Variants in AMMECR1L observed in about 807,000 individuals in gnomAD.
AMMECR1L encodes the protein AMMECR1 like, also known as AMMECR1-like protein.
AMMECR1L carries 4 observed loss-of-function variants against 36.8 expected under a neutral mutation model. The observed-to-expected ratio is 0.11, with a 90% CI of 0.05 to 0.25. AMMECR1L has a LOEUF of 0.25. AMMECR1L is among the 10% of genes least tolerant of loss of function. The probability of loss-of-function intolerance (pLI) is 1.00; values close to 1 mark genes in which losing one functional copy is unlikely to be tolerated. For synonymous variants in AMMECR1L, 147 were observed against 148.0 expected (o/e 0.99, Z 0.05); for missense variants, 232 against 392.1 (o/e 0.59, Z 3.45).
chr2:127,885,228 G>A (rs1192770902), intron 1 of AMMECR1L: 3 of 985,106 alleles, frequency 3.0e-6, no homozygotes, highest in African/African-American at 3.5e-5. Flanking sequence ...TGTGAAGAGT[G>A]TTAAGAAAAC....
At chr2:127,872,078 A>G (rs965803049) in intron 3 of AMMECR1L, among the ~76,000 whole-genome samples, 7 of 151,258 alleles carry the variant, frequency 4.6e-5, no homozygotes, top group Non-Finnish European at 2.9e-5. Flanking sequence ...AATCTCAGCT[A>G]CTCGGGAGGC....
In AMMECR1L at chr2:127,869,482, T is replaced by C. The variant is rs2104750153; in HGVS notation, c.696A>G (p.Thr232=). The C allele has an allele frequency of 2.5e-6, 4 of 1,614,056 alleles. No homozygotes were observed. Among genetic ancestry groups the C allele is most frequent in the African/African-American group, 2.7e-5 (2 of 75,062 alleles). ...INEKGVKRTA[T]YLPEVAKEQD... ...GTTCCTTAGCAACCTCAGGTAAATA[T>C]GTGGCTGTGCGTTTGACACCTTTTT... is the stretch of plus-strand genomic sequence containing the variant. Residue 232 remains threonine (T), a synonymous_variant, in exon 6 of 8, where the codon ACA becomes ACG. Coordinates refer to ENST00000272647, the MANE Select transcript of AMMECR1L (RefSeq NM_001199140.2). The surrounding 1 kb of genome is among the most constrained non-coding windows in gnomAD (Gnocchi z 4.7).
At position 127,868,618 on chromosome 2, in the gene AMMECR1L, A is replaced by T. The variant is rs529441295; in HGVS notation, c.724+836T>A. ...AGGAAAACTGCACTACGTATCACAG[A>T]ATGCACAAGCAACATGTAAAGGTAC... On this transcript the variant is annotated intron_variant, in intron 6 of 7. Coordinates refer to ENST00000272647, the MANE Select transcript of AMMECR1L (RefSeq NM_001199140.2). Among the ~76,000 whole-genome samples the T allele has an allele frequency of 1.4e-4, 22 of 152,344 alleles. No individual in the cohort carries two copies. The East Asian group carries it at 4.0e-3, about 28-fold the overall frequency.
intron 6 of AMMECR1L, among the ~76,000 whole-genome samples, chr2:127,867,511 C>T (rs1020392322): frequency 2.6e-5 from 4 of 152,144 alleles, no homozygotes; most frequent in African/African-American, 9.7e-5. Flanking sequence ...CTTTGGGAGG[C>T]TGAGGCAGGA....
chr2:127,870,676 A>G lies in AMMECR1L; in HGVS notation c.633+138T>C, dbSNP rs547036541. On this transcript the variant is annotated intron_variant, in intron 5 of 7. Coordinates refer to ENST00000272647, the MANE Select transcript of AMMECR1L (RefSeq NM_001199140.2). ...TATAGCAGCACCTCTTCTGTCACCTATGTTGCCCACAATTGGTTCCAAACT... is the reference window on the plus strand; with the variant it reads ...TATAGCAGCACCTCTTCTGTCACCTGTGTTGCCCACAATTGGTTCCAAACT... 2.8e-4 allele frequency: 172 copies of G among 613,278 alleles called. 1 individual carries two copies. The highest frequency in any genetic ancestry group is 2.8e-3 in the African/African-American group (147 of 53,366). The allele number at this position is 613,278 out of a possible 1,614,324, so 38.0% of individuals were successfully genotyped here. A position where few individuals can be genotyped will look rare whatever the true frequency, so the allele number is the denominator to read the frequency against.
Position 127,873,168 on chromosome 2 carries a change from C to T in AMMECR1L, c.407+660G>A, listed in dbSNP as rs952652247. On this transcript the variant is annotated intron_variant, in intron 3 of 7. Transcript: ENST00000272647. This position sits in a 1 kb window ranked among gnomAD's most constrained non-coding sequence, Gnocchi z 5.2. ...AAACAGCAATGCTCTTCAAAGCCAG[C>T]TCAGAGCGGCTTCCAATTCTGAGGA... The T allele has an allele frequency of 1.2e-4, 115 of 985,364 alleles. No individual in the cohort carries two copies. Among genetic ancestry groups the T allele is most frequent in the Non-Finnish European group, 1.3e-4 (107 of 829,954 alleles). The allele number at this position is 985,364 out of a possible 1,614,324, so 61.0% of individuals were successfully genotyped here. A position where few individuals can be genotyped will look rare whatever the true frequency, so the allele number is the denominator to read the frequency against.
chr2:127,867,254 G>C (rs926797644), intron 6 of AMMECR1L: 3 of 985,350 alleles, frequency 3.0e-6, no homozygotes, highest in African/African-American at 3.5e-5. Context: ...CGTCCTTCCT[G>C]TCAGATGTTA....
Position 127,871,047 on chromosome 2 carries a change from A to T in AMMECR1L, c.519-119T>A. The T allele has an allele frequency of 5.4e-6, 5 of 927,666 alleles. No homozygotes were observed. The South Asian group carries it at 8.5e-5, about 16-fold the overall frequency. 57.5% of individuals were successfully genotyped at this position (927,666 alleles called of 1,614,324 possible). On this transcript the variant is annotated intron_variant, in intron 4 of 7. Transcript: ENST00000272647. This position sits in a 1 kb window ranked among gnomAD's most constrained non-coding sequence, Gnocchi z 4.3. ...ATGCAGAGAGTATCTATTGTTCATC[A>T]ACACTAACATGTTAAAAACAACTCG...
rs371859730 is a variant in AMMECR1L at position 127,865,253 on chromosome 2, T to C, written c.822-48A>G. 8 of 1,374,598 alleles carry C rather than the reference T, an allele frequency of 5.8e-6. No homozygotes were observed. The East Asian group carries it at 1.9e-4, about 33-fold the overall frequency. 85.2% of individuals were successfully genotyped at this position (1,374,598 alleles called of 1,614,324 possible). Reference sequence around the variant, plus strand: ...GTATTAGGAACCCCAAACGCTTCATTTTGTAAAGTCACTCAGCAGAGAAAA... The same window carrying C: ...GTATTAGGAACCCCAAACGCTTCATCTTGTAAAGTCACTCAGCAGAGAAAA... On this transcript the variant is annotated intron_variant, in intron 7 of 7. Coordinates refer to ENST00000272647, the MANE Select transcript of AMMECR1L (RefSeq NM_001199140.2). The surrounding 1 kb of genome is among the most constrained non-coding windows in gnomAD (Gnocchi z 5.4).
Position 127,874,324 on chromosome 2 carries a change from A to C in AMMECR1L, c.-38-52T>G. The C allele has an allele frequency of 6.7e-7, 1 of 1,492,612 alleles. No homozygotes were observed. The highest frequency in any genetic ancestry group is 9.0e-7 in the Non-Finnish European group (1 of 1,111,614). 92.5% of individuals were successfully genotyped at this position (1,492,612 alleles called of 1,614,324 possible). A position where few individuals can be genotyped will look rare whatever the true frequency, so the allele number is the denominator to read the frequency against. On this transcript the variant is annotated intron_variant, in intron 2 of 7. Coordinates refer to ENST00000272647, the MANE Select transcript of AMMECR1L (RefSeq NM_001199140.2). This position sits in a 1 kb window ranked among gnomAD's most constrained non-coding sequence, Gnocchi z 5.2. ...AATTTGACTGGTTAGTTAAAAGGAGAGGAAAAAACATCAAAGATAGAGAGT... is the reference window on the plus strand; with the variant it reads ...AATTTGACTGGTTAGTTAAAAGGAGCGGAAAAAACATCAAAGATAGAGAGT...
At chr2:127,882,459 C>T (rs1691547356) in intron 2 of AMMECR1L, among the ~76,000 whole-genome samples, 1 of 152,190 alleles carries the variant, frequency 6.6e-6, no homozygotes, top group Admixed American at 6.5e-5. Flanking sequence ...TTCCAGGAAA[C>T]AGTCAGAAAA....
intron 6 of AMMECR1L, 22 bp from the exon 7 acceptor site, chr2:127,867,018 C>T (rs780341758): frequency 1.2e-6 from 2 of 1,613,604 alleles, no homozygotes; most frequent in Non-Finnish European, 1.7e-6. Flanking sequence ...AAAGGCCACA[C>T]TGAGGTCAAT....
At position 127,861,902 on chromosome 2, in the gene AMMECR1L, T is replaced by C. The variant is rs1690484358; in HGVS notation, c.*3192A>G. ...GTCAACACATCATGGAAAACAGATC[T>C]TGTGCAAAATATTAACACCCAGGAC... On this transcript the variant is annotated 3_prime_UTR_variant, in exon 8 of 8. Transcript: ENST00000272647. 1 of 152,636 alleles carries C rather than the reference T, an allele frequency of 6.6e-6. No individual in the cohort carries two copies. The highest frequency in any genetic ancestry group is 1.5e-5 in the Non-Finnish European group (1 of 68,036). 9.5% of individuals were successfully genotyped at this position (152,636 alleles called of 1,614,324 possible). A position where few individuals can be genotyped will look rare whatever the true frequency, so the allele number is the denominator to read the frequency against.
rs907947182 is a variant in AMMECR1L, at chr2:127,873,185, T to C, written c.407+643A>G. 8.1e-6 allele frequency: 8 copies of C among 985,328 alleles called. No individual in the cohort carries two copies. Among genetic ancestry groups the C allele is most frequent in the Non-Finnish European group, 9.6e-6 (8 of 829,942 alleles). The allele number at this position is 985,328 out of a possible 1,614,324, so 61.0% of individuals were successfully genotyped here. On this transcript the variant is annotated intron_variant, in intron 3 of 7. Coordinates refer to ENST00000272647, the MANE Select transcript of AMMECR1L (RefSeq NM_001199140.2). The surrounding 1 kb of genome is among the most constrained non-coding windows in gnomAD (Gnocchi z 5.2). ...AAAGCCAGCTCAGAGCGGCTTCCAATTCTGAGGAAGAAGAAAATGCTAGCA... is the reference window on the plus strand; with the variant it reads ...AAAGCCAGCTCAGAGCGGCTTCCAACTCTGAGGAAGAAGAAAATGCTAGCA...
rs1690617636 is a variant in AMMECR1L at position 127,864,929 on chromosome 2, C to G, written c.*165G>C. 1 of 553,152 alleles carries G rather than the reference C, an allele frequency of 1.8e-6. No homozygotes were observed. Among genetic ancestry groups the G allele is most frequent in the Non-Finnish European group, 3.2e-6 (1 of 309,960 alleles). 34.3% of individuals were successfully genotyped at this position (553,152 alleles called of 1,614,324 possible). ...CAAGTTCTGTTTCGTTCAAGGTAAC[C>G]CTACCCTCCCTCAGTCAGCGGGAGG... is the stretch of plus-strand genomic sequence containing the variant. On this transcript the variant is annotated 3_prime_UTR_variant, in exon 8 of 8. Transcript: ENST00000272647.
rs1350092468 is a variant in AMMECR1L, at chr2:127,863,842, G to A, written c.*1252C>T. On this transcript the variant is annotated 3_prime_UTR_variant, in exon 8 of 8. Coordinates refer to ENST00000272647, the MANE Select transcript of AMMECR1L (RefSeq NM_001199140.2). The stretch of plus-strand genomic sequence containing the variant: ...GGCAAGGAGAGAGGAAAAAATTGCT[G>A]ACAGCGATTTGGAAATCAGCAACAA... The A allele has an allele frequency of 6.6e-6, 1 of 152,644 alleles. No individual in the cohort carries two copies. The highest frequency in any genetic ancestry group is 2.4e-5 in the African/African-American group (1 of 41,460). 9.5% of individuals were successfully genotyped at this position (152,644 alleles called of 1,614,324 possible).
intron 2 of AMMECR1L, among the ~76,000 whole-genome samples, chr2:127,875,759 C>T (rs1691204081): frequency 6.6e-6 from 1 of 151,620 alleles, no homozygotes; most frequent in Non-Finnish European, 1.5e-5. Context: ...AGGGGCTTCT[C>T]TCTTTCCCTC....
At chr2:127,876,944 G>A (rs1691268921) in intron 2 of AMMECR1L, among the ~76,000 whole-genome samples, 1 of 151,730 alleles carries the variant, frequency 6.6e-6, no homozygotes, top group Non-Finnish European at 1.5e-5. Context: ...TTGAACTCTG[G>A]AGGTGGAAGT....
chr2:127,873,583 C>T lies in AMMECR1L; in HGVS notation c.407+245G>A, dbSNP rs1169160933. 2.0e-6 allele frequency: 2 copies of T among 985,356 alleles called. No homozygotes were observed. Among genetic ancestry groups the T allele is most frequent in the South Asian group, 4.7e-5 (1 of 21,290 alleles). 61.0% of individuals were successfully genotyped at this position (985,356 alleles called of 1,614,324 possible). On this transcript the variant is annotated intron_variant, in intron 3 of 7. Transcript: ENST00000272647. The surrounding 1 kb of genome is among the most constrained non-coding windows in gnomAD (Gnocchi z 5.2). ...AACAGAAGAGCCAAGAATGAACTCACTTGATTTCCAGAACATTACTTTAAC... is the reference window on the plus strand; with the variant it reads ...AACAGAAGAGCCAAGAATGAACTCATTTGATTTCCAGAACATTACTTTAAC...
Sources: gnomAD v4.1 joint callset for allele counts (sites outside exome capture counted in the v4.1 genomes callset) on GRCh38, gnomAD v4.1.1 for gene constraint, Gnocchi (gnomAD v3.1) non-coding constraint, MANE v1.5 for transcripts, NCBI Gene and HGNC (gene_info 2026-07-23, HGNC 2026-07-21) for gene names.